Variants in MEIKIN observed in about 807,000 individuals in gnomAD.
MEIKIN encodes the protein meiotic kinetochore factor, also known as meiosis-specific kinetochore protein.
chr5:131,892,310 T>C (rs1750937774), intron 8 of MEIKIN, among the ~76,000 whole-genome samples: 1 of 152,234 alleles, frequency 6.6e-6, no homozygotes, highest in South Asian at 2.1e-4. Flanking sequence ...CTGCAGAGTG[T>C]TTTCCAGCTT....
chr5:131,926,858 G>A (rs1580910755), intron 5 of MEIKIN, among the ~76,000 whole-genome samples: 1 of 152,080 alleles, frequency 6.6e-6, no homozygotes, highest in Non-Finnish European at 1.5e-5. Context: ...GTGGCATCAG[G>A]TATAATGTCT....
intron 4 of MEIKIN, among the ~76,000 whole-genome samples, chr5:131,937,791 T>TC (rs1751805264): frequency 1.3e-5 from 2 of 152,194 alleles, no homozygotes. Context: ...GATTATTTTT[T>TC]CTCTGGAAAA....
In MEIKIN at chr5:131,904,282, A is replaced by G. The variant is rs181882500; in HGVS notation, c.703+7533T>C. The stretch of plus-strand genomic sequence containing the variant: ...TTGTCAAGGCAGAAAACTAACAAAG[A>G]TATTCAGAGCCTTAACACAACACTT... On this transcript the variant is annotated intron_variant, in intron 8 of 12. Transcript: ENST00000442687. 4.2e-3 allele frequency among the ~76,000 whole-genome samples: 641 copies of G among 152,318 alleles called. 3 individuals are homozygous for G. The highest frequency in any genetic ancestry group is 0.02 in the Middle Eastern group (6 of 294).
chr5:131,943,041 C>T (rs1751900147), intron 3 of MEIKIN, among the ~76,000 whole-genome samples: 3 of 151,110 alleles, frequency 2.0e-5, no homozygotes, highest in Non-Finnish European at 4.4e-5. Flanking sequence ...ATATATAAAT[C>T]AAAAGAAAAG....
intron 11 of MEIKIN, among the ~76,000 whole-genome samples, chr5:131,834,961 T>C (rs929742024): frequency 6.6e-6 from 1 of 152,172 alleles, no homozygotes; most frequent in African/African-American, 2.4e-5. Flanking sequence ...CTATACTTTT[T>C]AATCTGTTGC....
chr5:131,835,739 G>A (rs1749794532), intron 11 of MEIKIN, among the ~76,000 whole-genome samples: 1 of 152,120 alleles, frequency 6.6e-6, no homozygotes, highest in Non-Finnish European at 1.5e-5. Flanking sequence ...GACTACAGGT[G>A]CCTGCCACCA....
chr5:131,860,440 G>A (rs899905274), intron 9 of MEIKIN, among the ~76,000 whole-genome samples: 19 of 150,478 alleles, frequency 1.3e-4, no homozygotes, highest in Non-Finnish European at 2.4e-4. Flanking sequence ...TCTAACAGTT[G>A]TTTTTTTTGT....
In MEIKIN at chr5:131,842,251, C is replaced by T. The variant is rs79182023; in HGVS notation, c.975+9013G>A. On this transcript the variant is annotated intron_variant, in intron 11 of 12. Coordinates refer to ENST00000442687, the MANE Select transcript of MEIKIN (RefSeq NM_001303622.2). ...AAGTGCTGGGATTACAGGTGTGAGC[C>T]ACCTTGCCTGGCCAACTTCTTTTTC... Among the ~76,000 whole-genome samples, 972 of 152,290 alleles carry T rather than the reference C, an allele frequency of 6.4e-3. 8 individuals are homozygous for T. The highest frequency in any genetic ancestry group is 0.022 in the African/African-American group (910 of 41,564).
At chr5:131,863,710 T>A (rs753334804) in intron 9 of MEIKIN, among the ~76,000 whole-genome samples, 1 of 152,132 alleles carries the variant, frequency 6.6e-6, no homozygotes, top group Non-Finnish European at 1.5e-5. Flanking sequence ...CCAAATCTCA[T>A]CTTGTAGCTT....
chr5:131,928,505 T>C (rs1037461208), intron 5 of MEIKIN, among the ~76,000 whole-genome samples: 3 of 152,182 alleles, frequency 2.0e-5, no homozygotes, highest in Non-Finnish European at 2.9e-5. Flanking sequence ...TTAATTTCAA[T>C]TGCATACAAA....
At chr5:131,830,250 A>C (rs1749692635) in intron 11 of MEIKIN, among the ~76,000 whole-genome samples, 1 of 152,136 alleles carries the variant, frequency 6.6e-6, no homozygotes, top group Non-Finnish European at 1.5e-5. Flanking sequence ...TACAAAAATT[A>C]TCCAGGTGTG....
At chr5:131,842,820 T>A (rs1749939259) in intron 11 of MEIKIN, among the ~76,000 whole-genome samples, 1 of 152,236 alleles carries the variant, frequency 6.6e-6, no homozygotes, top group Admixed American at 6.5e-5. Context: ...TACAACATCT[T>A]TTTATTTTGT....
At chr5:131,833,949 AAATT>A (rs1323819309) in intron 11 of MEIKIN, among the ~76,000 whole-genome samples, 1 of 152,206 alleles carries the variant, frequency 6.6e-6, no homozygotes, top group East Asian at 1.9e-4. Context: ...AAAACTCCAA[AAATT>A]AATCACTGCA....
chr5:131,944,006 T>C (rs924991050), intron 3 of MEIKIN, among the ~76,000 whole-genome samples: 2 of 151,486 alleles, frequency 1.3e-5, no homozygotes, highest in South Asian at 2.1e-4. Flanking sequence ...ACTCAGGAGG[T>C]TGGGGCAGGA....
At chr5:131,938,300 T>C (rs1751816162) in intron 4 of MEIKIN, among the ~76,000 whole-genome samples, 1 of 151,516 alleles carries the variant, frequency 6.6e-6, no homozygotes, top group East Asian at 1.9e-4. Context: ...TCCGAGTAGC[T>C]GAGATTAGAG....
rs187860605 is a variant in MEIKIN at position 131,818,242 on chromosome 5, A to C, written c.1099+498T>G. ...AATGCAAAAACATCTCCACATCTCT[A>C]AAAATAATGCTACTAAAATTGAAAC... On this transcript the variant is annotated intron_variant, in intron 12 of 12. Coordinates refer to ENST00000442687, the MANE Select transcript of MEIKIN (RefSeq NM_001303622.2). Among the ~76,000 whole-genome samples the C allele has an allele frequency of 5.6e-4, 85 of 152,346 alleles. 1 individual carries two copies. The East Asian group carries it at 0.014, about 25-fold the overall frequency.
chr5:131,814,105 T>C (rs1310943649), intron 12 of MEIKIN, among the ~76,000 whole-genome samples: 2 of 151,960 alleles, frequency 1.3e-5, no homozygotes, highest in African/African-American at 2.4e-5. Flanking sequence ...GCCCACCAAA[T>C]TGAGGGTGAG....
chr5:131,830,790 T>C (rs1749701337), intron 11 of MEIKIN, among the ~76,000 whole-genome samples: 1 of 152,110 alleles, frequency 6.6e-6, no homozygotes, highest in Non-Finnish European at 1.5e-5. Context: ...CCACAAGAGA[T>C]GAGTGGAAGT....
In MEIKIN at chr5:131,824,412, C is replaced by G. The variant is rs530961227; in HGVS notation, c.976-5549G>C. Among the ~76,000 whole-genome samples, 25 of 151,614 alleles carry G rather than the reference C, an allele frequency of 1.6e-4. No homozygotes were observed. The East Asian group carries it at 4.3e-3, about 26-fold the overall frequency. Reference sequence around the variant, plus strand: ...GTCCACACCTGCAGCCATAGCTACTCAGGAGGCTGAGAGAGGAGAATCACT... The same window carrying G: ...GTCCACACCTGCAGCCATAGCTACTGAGGAGGCTGAGAGAGGAGAATCACT... On this transcript the variant is annotated intron_variant, in intron 11 of 12. Transcript: ENST00000442687.
Sources: allele counts gnomAD v4.1 joint callset (sites outside exome capture counted in the v4.1 genomes callset), GRCh38; gene constraint gnomAD v4.1.1; transcripts MANE v1.5; gene names NCBI Gene and HGNC (gene_info 2026-07-23, HGNC 2026-07-21).